Variants in THEMIS observed in about 807,000 individuals in gnomAD.
THEMIS encodes protein THEMIS.
A neutral mutation model predicts 52.6 loss-of-function variants in THEMIS; 37 were observed. The ratio of observed to expected loss-of-function variants is 0.70; its 90% CI spans 0.54 to 0.93. THEMIS has a LOEUF of 0.93. THEMIS is among the 40% of genes least tolerant of loss of function. THEMIS has a pLI of 0.00. For synonymous variants in THEMIS, 292 were observed against 272.7 expected (o/e 1.07, Z -0.70); for missense variants, 808 against 763.1 (o/e 1.06, Z -0.69).
At chr6:127,774,644 T>C (rs974700296) in intron 4 of THEMIS, among the ~76,000 whole-genome samples, 2 of 152,188 alleles carry the variant, frequency 1.3e-5, no homozygotes, top group African/African-American at 4.8e-5. Context: ...AGCTGGTTCA[T>C]TGGGGCTATT....
intron 4 of THEMIS, among the ~76,000 whole-genome samples, chr6:127,753,931 G>A (rs981935103): frequency 9.9e-5 from 15 of 151,828 alleles, no homozygotes; most frequent in African/African-American, 3.1e-4. Flanking sequence ...TGATGATGAT[G>A]ATAATAATAA....
intron 4 of THEMIS, among the ~76,000 whole-genome samples, chr6:127,723,035 G>C (rs190671366): frequency 1.2e-4 from 18 of 151,944 alleles, no homozygotes; most frequent in African/African-American, 3.6e-4. Flanking sequence ...TATTAAGTAT[G>C]TTCCTCTTTC....
intron 1 of THEMIS, among the ~76,000 whole-genome samples, chr6:127,907,337 ATTTTTTTTTTT>A (rs58472332): frequency 5.3e-4 from 26 of 49,446 alleles, no homozygotes; most frequent in Admixed American, 1.7e-3. Context: ...TTAGGCTCGG[ATTTTTTTTTTT>A]TTTTTTTTTT....
At chr6:127,777,749 T>C (rs1294412559) in intron 4 of THEMIS, among the ~76,000 whole-genome samples, 1 of 152,174 alleles carries the variant, frequency 6.6e-6, no homozygotes, top group African/African-American at 2.4e-5. Flanking sequence ...ATTATTTATA[T>C]GATAAAAAGA....
intron 1 of THEMIS, among the ~76,000 whole-genome samples, chr6:127,897,213 A>G (rs1780995231): frequency 6.6e-6 from 1 of 151,476 alleles, no homozygotes; most frequent in South Asian, 2.1e-4. Context: ...CTAGAAGATA[A>G]TACATATTTT....
intron 1 of THEMIS, among the ~76,000 whole-genome samples, chr6:127,873,061 ATACT>A (rs1780203826): frequency 6.6e-6 from 1 of 152,206 alleles, no homozygotes; most frequent in Non-Finnish European, 1.5e-5. Context: ...AAAAAATGAA[ATACT>A]TAGTCATCAG....
intron 3 of THEMIS, among the ~76,000 whole-genome samples, chr6:127,821,812 A>G (rs1027677266): frequency 1.3e-5 from 2 of 151,996 alleles, no homozygotes; most frequent in Admixed American, 6.6e-5. Flanking sequence ...TTAATATTCA[A>G]TTCTAGAACA....
chr6:127,807,082 G>T (rs757651894), intron 4 of THEMIS: 38 of 155,480 alleles, frequency 2.4e-4, no homozygotes, highest in Non-Finnish European at 3.7e-4. Flanking sequence ...GCTAACATTG[G>T]CTAGGTGCAG....
At chr6:127,698,001 C>A in the THEMIS span, among the ~76,000 whole-genome samples, 1 of 152,108 alleles carries the variant, frequency 6.6e-6, no homozygotes, top group Non-Finnish European at 1.5e-5. Context: ...TGACCTTTTA[C>A]AATTTAAATT....
intron 4 of THEMIS, among the ~76,000 whole-genome samples, chr6:127,799,537 T>TTCTTTCTTTCTA (rs1777452136): frequency 7.9e-6 from 1 of 125,860 alleles, no homozygotes; most frequent in Non-Finnish European, 1.8e-5. Context: ...TTCTCTTTCT[T>TTCTTTCTTTCTA]TCTTTCTTTC....
chr6:127,857,022 T>C (rs1035729131), intron 1 of THEMIS, among the ~76,000 whole-genome samples: 1 of 151,842 alleles, frequency 6.6e-6, no homozygotes, highest in African/African-American at 2.4e-5. Flanking sequence ...TACTTTCTTG[T>C]ATGACTACAA....
chr6:127,757,388 C>T (rs1775863377), intron 4 of THEMIS, among the ~76,000 whole-genome samples: 1 of 152,082 alleles, frequency 6.6e-6, no homozygotes, highest in Non-Finnish European at 1.5e-5. Context: ...ATTTAATTCA[C>T]CCGTGCATAC....
chr6:127,899,268 T>A (rs1274374695), intron 1 of THEMIS, among the ~76,000 whole-genome samples: 1 of 151,876 alleles, frequency 6.6e-6, no homozygotes, highest in African/African-American at 2.4e-5. Context: ...AAAACATTTT[T>A]AAAGTCTATG....
intron 2 of THEMIS, among the ~76,000 whole-genome samples, chr6:127,853,537 A>C (rs1381271829): frequency 1.3e-5 from 2 of 151,642 alleles, no homozygotes; most frequent in Non-Finnish European, 3.0e-5. Context: ...ACAATGTGGA[A>C]AGTTTCATTT....
At chr6:127,756,362 T>C (rs1562237622) in intron 4 of THEMIS, among the ~76,000 whole-genome samples, 1 of 152,200 alleles carries the variant, frequency 6.6e-6, no homozygotes, top group Non-Finnish European at 1.5e-5. Context: ...TGTATGATAG[T>C]CTCTAACAGA....
At chr6:127,725,944 G>A (rs760359557) in intron 4 of THEMIS, among the ~76,000 whole-genome samples, 5 of 152,058 alleles carry the variant, frequency 3.3e-5, no homozygotes, top group Non-Finnish European at 7.4e-5. Flanking sequence ...GGAGCTTTAA[G>A]CTGTGACCTT....
chr6:127,845,715 A>G (rs1369022894), intron 2 of THEMIS, among the ~76,000 whole-genome samples: 1 of 151,952 alleles, frequency 6.6e-6, no homozygotes, highest in Non-Finnish European at 1.5e-5. Flanking sequence ...GCACTTGCCA[A>G]AAATAATAAA....
chr6:127,752,325 T>C (rs1461078805), intron 4 of THEMIS, among the ~76,000 whole-genome samples: 1 of 141,256 alleles, frequency 7.1e-6, no homozygotes, highest in African/African-American at 2.6e-5. Context: ...ATAAATAAAA[T>C]AGAGACAAAA....
intron 4 of THEMIS, among the ~76,000 whole-genome samples, chr6:127,745,877 T>C (rs1465900996): frequency 6.6e-6 from 1 of 151,888 alleles, no homozygotes. Flanking sequence ...CTGTGAATTC[T>C]CTTGCTTTGA....
Sources: allele counts gnomAD v4.1 joint callset (sites outside exome capture counted in the v4.1 genomes callset), GRCh38; gene constraint gnomAD v4.1.1; transcripts MANE v1.5; gene names NCBI Gene and HGNC (gene_info 2026-07-23, HGNC 2026-07-21).